SHANK2: variants seen among roughly 807,000 people sequenced by gnomAD.
The protein encoded by SHANK2 is SH3 and multiple ankyrin repeat domains 2.
Under a neutral mutation model 133.7 loss-of-function variants are expected in SHANK2, and 43 were observed. That is an observed-to-expected ratio of 0.32 (90% CI 0.25 to 0.41). SHANK2 has a LOEUF of 0.41. Ranked by LOEUF, SHANK2 falls within the 10% of genes least tolerant of loss-of-function variation. SHANK2 has a pLI of 1.00. For missense variants in SHANK2, 1,994 were observed against 2,235.8 expected (o/e 0.89, Z 2.18); for synonymous variants, 1,017 against 952.8 (o/e 1.07, Z -1.24).
intron 14 of SHANK2, among the ~76,000 whole-genome samples, chr11:70,786,103 G>A (rs1200049651): frequency 1.3e-5 from 2 of 152,196 alleles, no homozygotes; most frequent in Non-Finnish European, 2.9e-5. Context: ...AACACCAGGA[G>A]TAACTTTCAA....
intron 9 of SHANK2, among the ~76,000 whole-genome samples, chr11:71,064,676 T>G (rs1212632809): frequency 2.1e-4 from 27 of 128,460 alleles, no homozygotes; most frequent in South Asian, 2.7e-4. Context: ...ACAAGAGGGG[T>G]GGAGGGGACA....
intron 14 of SHANK2, among the ~76,000 whole-genome samples, chr11:70,708,897 C>A (rs1555025533): frequency 1.3e-5 from 2 of 152,176 alleles, no homozygotes; most frequent in Non-Finnish European, 2.9e-5. Context: ...CCCCTGCTGA[C>A]CTCCAGGGCA....
At chr11:71,174,456 C>A (rs1238364300) in intron 2 of SHANK2, among the ~76,000 whole-genome samples, 1 of 151,654 alleles carries the variant, frequency 6.6e-6, no homozygotes, top group Non-Finnish European at 1.5e-5. Flanking sequence ...CCGAGGCAGG[C>A]GGATCACGAG....
At chr11:71,234,405 C>CA (rs1565530385) in intron 1 of SHANK2, among the ~76,000 whole-genome samples, 2 of 137,544 alleles carry the variant, frequency 1.5e-5, no homozygotes, top group African/African-American at 5.4e-5. Flanking sequence ...AAATAAATAA[C>CA]AACAAAATGT....
intron 17 of SHANK2, among the ~76,000 whole-genome samples, chr11:70,586,767 G>A (rs1256804353): frequency 1.3e-5 from 2 of 152,220 alleles, no homozygotes; most frequent in Non-Finnish European, 2.9e-5. Flanking sequence ...AGCCGGGAGT[G>A]GGCAGGTGTC....
intron 3 of SHANK2, among the ~76,000 whole-genome samples, chr11:71,139,964 C>T (rs1430763729): frequency 3.3e-5 from 5 of 152,146 alleles, no homozygotes; most frequent in South Asian, 2.1e-4. Flanking sequence ...GAAAAGGGGC[C>T]GCCCAGGTGC....
intron 1 of SHANK2, among the ~76,000 whole-genome samples, chr11:71,233,071 G>A (rs2135775029): frequency 6.6e-6 from 1 of 152,200 alleles, no homozygotes. Context: ...CAGCACTTTG[G>A]GGGGCCGAGG....
intron 9 of SHANK2, among the ~76,000 whole-genome samples, chr11:71,062,416 T>G (rs1010574766): frequency 0.5 from 75,961 of 151,940 alleles, 19,670 homozygotes; most frequent in African/African-American, 0.64. Context: ...CCTGGTGGGG[T>G]CAGCAAAGGG....
At chr11:70,878,429 C>T (rs1555071773) in intron 11 of SHANK2, among the ~76,000 whole-genome samples, 1 of 152,214 alleles carries the variant, frequency 6.6e-6, no homozygotes, top group Admixed American at 6.5e-5. Context: ...ATTCCCCATC[C>T]TGCTTTCTGG....
intron 14 of SHANK2, among the ~76,000 whole-genome samples, chr11:70,755,130 G>A (rs1946839646): frequency 6.6e-6 from 1 of 151,174 alleles, no homozygotes; most frequent in African/African-American, 2.4e-5. Flanking sequence ...GGAGTGCAGT[G>A]GCGTGACCTC....
At chr11:70,774,326 G>GTT (rs201907774) in intron 14 of SHANK2, among the ~76,000 whole-genome samples, 20 of 145,482 alleles carry the variant, frequency 1.4e-4, no homozygotes, top group Admixed American at 3.4e-4. Flanking sequence ...AGTGACTTTT[G>GTT]TTTTTTTTTT....
chr11:71,059,265 C>G (rs943239298), intron 9 of SHANK2, among the ~76,000 whole-genome samples: 18 of 151,982 alleles, frequency 1.2e-4, no homozygotes, highest in Non-Finnish European at 2.4e-4. Flanking sequence ...AGCTGAAAAT[C>G]TAGAAGGAAA....
At chr11:70,683,790 T>G (rs1210756310) in intron 15 of SHANK2, among the ~76,000 whole-genome samples, 17 of 121,086 alleles carry the variant, frequency 1.4e-4, no homozygotes, top group Admixed American at 1.3e-3. Flanking sequence ...CTCCTTTTTG[T>G]TTTTTTTTTT....
At chr11:71,065,665 A>C in intron 9 of SHANK2, among the ~76,000 whole-genome samples, 2 of 84,456 alleles carry the variant, frequency 2.4e-5, no homozygotes, top group East Asian at 3.7e-4. Flanking sequence ...TGACTGGGGA[A>C]GTTTGTGGGG....
At chr11:70,775,349 G>C (rs35114034) in intron 14 of SHANK2, among the ~76,000 whole-genome samples, 1 of 152,152 alleles carries the variant, frequency 6.6e-6, no homozygotes, top group African/African-American at 2.4e-5. Context: ...CCAGCTACTC[G>C]GGAGGGTGAG....
At chr11:71,204,825 G>A (rs1333527355) in intron 2 of SHANK2, among the ~76,000 whole-genome samples, 2 of 152,150 alleles carry the variant, frequency 1.3e-5, no homozygotes, top group African/African-American at 2.4e-5. Context: ...GCAGGGGTTC[G>A]GAGCACTCCA....
chr11:70,817,658 C>T (rs1269553794), intron 12 of SHANK2, among the ~76,000 whole-genome samples: 2 of 152,208 alleles, frequency 1.3e-5, no homozygotes, highest in African/African-American at 4.8e-5. Flanking sequence ...GGAATGCGCA[C>T]TGGCTGGACA....
chr11:70,621,949 C>A (rs2136457477), intron 17 of SHANK2, among the ~76,000 whole-genome samples: 1 of 152,242 alleles, frequency 6.6e-6, no homozygotes, highest in Non-Finnish European at 1.5e-5. Flanking sequence ...GGGGTGAGGG[C>A]CAACTTCTGA....
chr11:70,926,087 A>G (rs569434489), intron 10 of SHANK2, among the ~76,000 whole-genome samples: 1 of 152,238 alleles, frequency 6.6e-6, no homozygotes, highest in Non-Finnish European at 1.5e-5. Context: ...AGCCTGGGCA[A>G]CATGGTGAAG....
Sources: gnomAD v4.1 joint callset for allele counts (sites outside exome capture counted in the v4.1 genomes callset) on GRCh38, gnomAD v4.1.1 for gene constraint, MANE v1.5 for transcripts, NCBI Gene and HGNC (gene_info 2026-07-23, HGNC 2026-07-21) for gene names.